The following PKHD1 variants were observed in gnomAD, a reference collection of about 807,000 sequenced individuals.
The protein encoded by PKHD1 is PKHD1 ciliary IPT domain containing fibrocystin/polyductin.
PKHD1 carries 291 observed loss-of-function variants against 412.0 expected under a neutral mutation model. The observed-to-expected ratio is 0.71, with a 90% CI of 0.64 to 0.78. PKHD1 has a LOEUF of 0.78. Among genes scored for constraint, PKHD1 ranks in the 30% least tolerant of loss-of-function variants. The pLI is 0.00. For missense variants in PKHD1, 4,825 were observed against 4,950.7 expected (o/e 0.97, Z 0.76); for synonymous variants, 1,777 against 1,821.5 (o/e 0.98, Z 0.62).
chr6:51,718,432 A>G (rs905845112), intron 60 of PKHD1, among the ~76,000 whole-genome samples: 6 of 152,244 alleles, frequency 3.9e-5, no homozygotes, highest in Admixed American at 3.3e-4. Flanking sequence ...TTACGTTTCA[A>G]CTAAATCACA....
chr6:51,732,326 A>G (rs1445076595), intron 60 of PKHD1, among the ~76,000 whole-genome samples: 1 of 152,138 alleles, frequency 6.6e-6, no homozygotes, highest in Non-Finnish European at 1.5e-5. Flanking sequence ...GGATCAAAAA[A>G]CTCTATCAAC....
chr6:51,858,682 A>T (rs946370714), intron 48 of PKHD1, among the ~76,000 whole-genome samples: 11 of 152,178 alleles, frequency 7.2e-5, no homozygotes, highest in African/African-American at 2.7e-4. Flanking sequence ...ATAAATCAGA[A>T]TTTTTAGTTA....
intron 52 of PKHD1, among the ~76,000 whole-genome samples, chr6:51,810,174 TA>T (rs907477552): frequency 6.6e-6 from 1 of 152,072 alleles, no homozygotes. Flanking sequence ...CAAATGCTTT[TA>T]AAAAAATTGA....
chr6:51,783,121 T>C (rs1324549880), intron 53 of PKHD1, among the ~76,000 whole-genome samples: 3 of 152,056 alleles, frequency 2.0e-5, no homozygotes, highest in Non-Finnish European at 4.4e-5. Flanking sequence ...AAACAATATG[T>C]GACAAGTTTT....
chr6:52,014,700 A>G lies in PKHD1; in HGVS notation c.5600+2710T>C, dbSNP rs13202189. Among the ~76,000 whole-genome samples, 667 of 80,696 alleles carry G rather than the reference A, an allele frequency of 8.3e-3. 69 individuals are homozygous for G. Among genetic ancestry groups the G allele is most frequent in the South Asian group, 1.0e-2 (23 of 2,304 alleles). 52.9% of individuals were successfully genotyped at this position (80,696 alleles called of 152,430 possible). On this transcript the variant is annotated intron_variant, in intron 34 of 66. Transcript: ENST00000371117. Reference sequence around the variant, plus strand: ...GGATGGATGGATGAATATACTGGATAGATGGATGGATGGATGGATGGATGG... The same window carrying G: ...GGATGGATGGATGAATATACTGGATGGATGGATGGATGGATGGATGGATGG...
At chr6:51,811,074 T>C (rs1051460898) in intron 52 of PKHD1, among the ~76,000 whole-genome samples, 7 of 152,186 alleles carry the variant, frequency 4.6e-5, no homozygotes, top group African/African-American at 1.7e-4. Context: ...GCCACCTTTA[T>C]CTAATTATAT....
chr6:52,015,195 G>A (rs1800372638), intron 34 of PKHD1, among the ~76,000 whole-genome samples: 1 of 152,018 alleles, frequency 6.6e-6, no homozygotes, highest in Admixed American at 6.5e-5. Flanking sequence ...AATTTTTAAA[G>A]GTGACTTAGT....
At chr6:51,739,105 ATATT>A (rs894105397) in intron 60 of PKHD1, among the ~76,000 whole-genome samples, 2 of 147,366 alleles carry the variant, frequency 1.4e-5, no homozygotes, top group African/African-American at 5.0e-5. Context: ...TATTTTATAT[ATATT>A]TATATATTTT....
intron 33 of PKHD1, among the ~76,000 whole-genome samples, chr6:52,021,119 C>T (rs530842354): frequency 2.3e-4 from 35 of 152,238 alleles, no homozygotes; most frequent in African/African-American, 7.9e-4. Context: ...TTATGCATTC[C>T]TCTAGAGTAA....
rs1183281205 is a variant in PKHD1 at position 51,638,957 on chromosome 6, C to T, written c.11399-1G>A. The T allele has an allele frequency of 1.2e-6, 2 of 1,609,338 alleles. No homozygotes were observed. The highest frequency in any genetic ancestry group is 1.3e-5 in the African/African-American group (1 of 74,762). ...TCTTGAGTTTCTGCCTGGGTGCACC[C>T]TACAAAAAAGTACAAAACAAAAATT... On this transcript the variant is annotated splice_acceptor_variant, in intron 63 of 66. Coordinates refer to ENST00000371117, the MANE Select transcript of PKHD1 (RefSeq NM_138694.4). LOFTEE classifies it high-confidence loss of function.
At chr6:51,663,778 C>T (rs989571933) in intron 60 of PKHD1, among the ~76,000 whole-genome samples, 1 of 151,994 alleles carries the variant, frequency 6.6e-6, no homozygotes, top group Non-Finnish European at 1.5e-5. Flanking sequence ...ATTGTATCAT[C>T]CTCTAAATTG....
At chr6:51,825,903 A>C (rs1767219555) in intron 52 of PKHD1, among the ~76,000 whole-genome samples, 1 of 151,762 alleles carries the variant, frequency 6.6e-6, no homozygotes, top group African/African-American at 2.4e-5. Context: ...TCCCATCCAA[A>C]AGGTACAAGA....
At chr6:51,717,729 T>A (rs1222349038) in intron 60 of PKHD1, among the ~76,000 whole-genome samples, 1 of 152,140 alleles carries the variant, frequency 6.6e-6, no homozygotes, top group African/African-American at 2.4e-5. Flanking sequence ...TTAAGCAACA[T>A]ATGACTGTAT....
At chr6:52,081,578 C>G (rs1812041421) in intron 4 of PKHD1, among the ~76,000 whole-genome samples, 2 of 151,260 alleles carry the variant, frequency 1.3e-5, no homozygotes, top group South Asian at 4.2e-4. Context: ...AAAAAAATCC[C>G]TTCGGGGTGA....
chr6:51,740,339 A>T (rs575164206), intron 60 of PKHD1, among the ~76,000 whole-genome samples: 1 of 152,334 alleles, frequency 6.6e-6, no homozygotes, highest in South Asian at 2.1e-4. Flanking sequence ...ACCTGTGGAT[A>T]TCTGTCTGGG....
At chr6:51,721,752 A>C in intron 60 of PKHD1, 1 of 1,398,944 alleles carries the variant, frequency 7.1e-7, no homozygotes, top group Non-Finnish European at 9.3e-7. Flanking sequence ...CCCCAAAGTC[A>C]GGAGTAAGCA....
chr6:51,810,055 TATA>T (rs2151387632), intron 52 of PKHD1, among the ~76,000 whole-genome samples: 1 of 152,208 alleles, frequency 6.6e-6, no homozygotes, highest in Admixed American at 6.5e-5. Flanking sequence ...CACACTTAAT[TATA>T]ATATTTCCTA....
Position 51,632,413 on chromosome 6 carries a change from T to G in PKHD1, c.11665+152A>C, listed in dbSNP as rs999752084. 40 of 639,326 alleles carry G rather than the reference T, an allele frequency of 6.3e-5. 1 individual carries two copies. Among genetic ancestry groups the G allele is most frequent in the Middle Eastern group, 8.2e-4 (2 of 2,450 alleles). 39.6% of individuals were successfully genotyped at this position (639,326 alleles called of 1,614,324 possible). On this transcript the variant is annotated intron_variant, in intron 65 of 66. Transcript: ENST00000371117. ...TTAGGCAATCCTTGTCTCTAATGTA[T>G]TAATTGAACAATTTGGCTTTGTGTA...
At chr6:51,719,442 T>C (rs888832264) in intron 60 of PKHD1, among the ~76,000 whole-genome samples, 1 of 152,174 alleles carries the variant, frequency 6.6e-6, no homozygotes, top group African/African-American at 2.4e-5. Flanking sequence ...ATACTGTGCA[T>C]TGTAGGATGT....
Sources: gnomAD v4.1 joint callset for allele counts (sites outside exome capture counted in the v4.1 genomes callset) on GRCh38, gnomAD v4.1.1 for gene constraint, MANE v1.5 for transcripts, NCBI Gene and HGNC (gene_info 2026-07-23, HGNC 2026-07-21) for gene names.